The following BAG3 variants were observed in gnomAD, a reference collection of about 807,000 sequenced individuals.
BAG3 encodes the protein BAG family molecular chaperone regulator 3.
Under a neutral mutation model 40.5 loss-of-function variants are expected in BAG3, and 14 were observed. The ratio of observed to expected loss-of-function variants is 0.35; its 90% confidence interval spans 0.23 to 0.54. The LOEUF (loss-of-function observed/expected upper bound fraction) is 0.54. Among genes scored for constraint, BAG3 ranks in the 20% least tolerant of loss-of-function variants. BAG3 has a pLI of 0.91. For missense variants in BAG3, 788 were observed against 758.6 expected (o/e 1.04, Z -0.46); for synonymous variants, 302 against 307.8 (o/e 0.98, Z 0.20).
chr10:119,674,671 C>A (rs1401628131), intron 3 of BAG3, among the ~76,000 whole-genome samples: 1 of 152,136 alleles, frequency 6.6e-6, no homozygotes, highest in African/African-American at 2.4e-5. Context: ...GAATAAGAGC[C>A]AAGATAAGGC....
Position 119,651,698 on chromosome 10 carries a change from C to A in BAG3, c.23C>A (p.Pro8His). Residue 8 changes from proline (P) to histidine (H), a missense_variant, in exon 1 of 4, where the codon CCC (proline) becomes CAC (histidine). Transcript: ENST00000369085. ...AGCATGAGCGCCGCCACCCACTCGCCCATGATGCAGGTGGCGTCCGGCAAC... is the reference window on the plus strand; with the variant it reads ...AGCATGAGCGCCGCCACCCACTCGCACATGATGCAGGTGGCGTCCGGCAAC... MSAATHS[P>H]MMQVASGNGD... 6.3e-7 allele frequency: 1 copy of A among 1,589,252 alleles called. No homozygotes were observed. The highest frequency in any genetic ancestry group is 8.6e-7 in the Non-Finnish European group (1 of 1,169,028).
chr10:119,676,967 G>T lies in BAG3; in HGVS notation c.1413G>T (p.Glu471Asp). The T allele has an allele frequency of 6.2e-7, 1 of 1,614,190 alleles. No homozygotes were observed. The highest frequency in any genetic ancestry group is 8.5e-7 in the Non-Finnish European group (1 of 1,180,028). Residue 471 changes from glutamate to aspartate, a missense_variant, in exon 4 of 4, where the codon GAG becomes GAT. Coordinates refer to ENST00000369085, the MANE Select transcript of BAG3 (RefSeq NM_004281.4). The stretch of plus-strand genomic sequence containing the variant: ...TGGCCCTGGATTCAGTGGACCCCGA[G>T]GGACGAGCCGATGTGCGTCAGGCCA... ...ELLALDSVDP[E>D]GRADVRQARR...
At chr10:119,657,597 C>G (rs568962220) in intron 1 of BAG3, 1 of 471,084 alleles carries the variant, frequency 2.1e-6, no homozygotes, top group African/African-American at 2.0e-5. Context: ...TCCATTGGTT[C>G]CTAAGAACTG....
chr10:119,665,186 G>T (rs1401000512), intron 1 of BAG3, among the ~76,000 whole-genome samples: 2 of 139,804 alleles, frequency 1.4e-5, no homozygotes, highest in African/African-American at 5.4e-5. Flanking sequence ...GCCCAGGCTG[G>T]AGTGCAGTGG....
Position 119,669,888 on chromosome 10 carries a change from G to A in BAG3, c.218G>A (p.Gly73Asp), listed in dbSNP as rs1022153640. 6 of 1,614,174 alleles carry A rather than the reference G, an allele frequency of 3.7e-6. No homozygotes were observed. Among genetic ancestry groups the A allele is most frequent in the African/African-American group, 1.3e-5 (1 of 75,048 alleles). Residue 73 changes from glycine (G) to aspartate (D), a missense_variant, in exon 2 of 4, where the codon GGC (glycine) becomes GAC (aspartate). Transcript: ENST00000369085. Reference sequence around the variant, plus strand: ...TCTGCCAATGGCCCTTCCCGGGAGGGCTCTAGGCTGCCGCCTGCTAGGGAA... The same window carrying A: ...TCTGCCAATGGCCCTTCCCGGGAGGACTCTAGGCTGCCGCCTGCTAGGGAA... Reference protein sequence around the residue: ...PSSANGPSREGSRLPPAREGH... With the variant: ...PSSANGPSREDSRLPPAREGH...
At chr10:119,666,331 T>C (rs1473909226) in intron 1 of BAG3, among the ~76,000 whole-genome samples, 8 of 152,088 alleles carry the variant, frequency 5.3e-5, no homozygotes, top group Admixed American at 5.2e-4. Context: ...GCCTGCCCCT[T>C]GCCACTGCTT....
At chr10:119,665,812 A>G (rs1847058276) in intron 1 of BAG3, among the ~76,000 whole-genome samples, 1 of 150,834 alleles carries the variant, frequency 6.6e-6, no homozygotes, top group South Asian at 2.1e-4. Context: ...GTTTTTTTTT[A>G]AACAAAACCC....
rs1268299174 is a variant in BAG3, at chr10:119,672,146, C to A, written c.508-109C>A. 1.0e-5 allele frequency: 15 copies of A among 1,437,440 alleles called. No homozygotes were observed. The highest frequency in any genetic ancestry group is 1.5e-5 in the Non-Finnish European group (15 of 1,033,854). The allele number at this position is 1,437,440 out of a possible 1,614,324, so 89.0% of individuals were successfully genotyped here. On this transcript the variant is annotated intron_variant, in intron 2 of 3. Coordinates refer to ENST00000369085, the MANE Select transcript of BAG3 (RefSeq NM_004281.4). This position sits in a 1 kb window ranked among gnomAD's most constrained non-coding sequence, Gnocchi z 4.8. ...AAATTGAAAATTACAGATAGGAGGTCTTACAATATGGATTGCCCTGAGGAG... is the reference window on the plus strand; with the variant it reads ...AAATTGAAAATTACAGATAGGAGGTATTACAATATGGATTGCCCTGAGGAG...
In BAG3 at chr10:119,669,969, A is replaced by G. The variant is rs1847122709; in HGVS notation, c.299A>G (p.His100Arg). ...GGCTACATTCCCATTCCTGTGCTCC[A>G]TGAAGGCGCTGAGAACCGGCAGGTG... is the stretch of plus-strand genomic sequence containing the variant. ...RPGYIPIPVL[H>R]EGAENRQVHP... Residue 100 changes from histidine (H) to arginine (R), a missense_variant, in exon 2 of 4, where the codon CAT (histidine) becomes CGT (arginine). His to Arg is a conservative substitution (Grantham distance 29). Coordinates refer to ENST00000369085, the MANE Select transcript of BAG3 (RefSeq NM_004281.4). The G allele has an allele frequency of 1.2e-6, 2 of 1,614,054 alleles. No individual in the cohort carries two copies. Among genetic ancestry groups the G allele is most frequent in the African/African-American group, 1.3e-5 (1 of 74,926 alleles).
chr10:119,672,588 G>T lies in BAG3; in HGVS notation c.841G>T (p.Ala281Ser). The change falls in exon 3 of 4, where the codon GCC (alanine) becomes TCC (serine). Residue 281 changes from alanine (A) to serine (S), a missense_variant. Physicochemically the swap from Ala to Ser is moderately conservative, Grantham distance 99 (BLOSUM62 1). Transcript: ENST00000369085. The surrounding 1 kb of genome is among the most constrained non-coding windows in gnomAD (Gnocchi z 4.8). ...QGASSREGSP[A>S]RSSTPLHSPS... ...TGCATCGAGCCGGGAGGGCTCACCA[G>T]CCAGGAGCAGCACGCCACTCCACTC... The T allele has an allele frequency of 6.2e-7, 1 of 1,614,158 alleles. No individual in the cohort carries two copies. The highest frequency in any genetic ancestry group is 1.1e-5 in the South Asian group (1 of 91,084).
At chr10:119,654,961 C>A (rs1389381906) in intron 1 of BAG3, among the ~76,000 whole-genome samples, 1 of 152,220 alleles carries the variant, frequency 6.6e-6, no homozygotes, top group Non-Finnish European at 1.5e-5. Context: ...TGTCTCATCG[C>A]CTCCCTGCCC....
chr10:119,675,797 TCC>T (rs1491330594), intron 3 of BAG3, among the ~76,000 whole-genome samples: 1 of 17,666 alleles, frequency 5.7e-5, no homozygotes. Context: ...CTTCCCCCCT[TCC>T]CCTTCCCCCC....
intron 1 of BAG3, among the ~76,000 whole-genome samples, chr10:119,663,242 A>G (rs1308416736): frequency 6.6e-6 from 1 of 152,116 alleles, no homozygotes; most frequent in Non-Finnish European, 1.5e-5. Context: ...CCCTGCTTTT[A>G]GGGCACAGGG....
rs1457879480 is a variant in BAG3 at position 119,677,030 on chromosome 10, A to G, written c.1476A>G (p.Glu492=). The change falls in exon 4 of 4, where the codon GAA becomes GAG. Residue 492 remains glutamate, a synonymous_variant. Coordinates refer to ENST00000369085, the MANE Select transcript of BAG3 (RefSeq NM_004281.4). ...DGVRKVQTIL[E]KLEQKAIDVP... is the part of the protein sequence containing the mutation. ...TCAGGAAGGTTCAGACCATCTTGGAAAAACTTGAACAGAAAGCCATTGATG... is the reference window on the plus strand; with the variant it reads ...TCAGGAAGGTTCAGACCATCTTGGAGAAACTTGAACAGAAAGCCATTGATG... The G allele has an allele frequency of 6.2e-7, 1 of 1,614,226 alleles. No individual in the cohort carries two copies. The highest frequency in any genetic ancestry group is 8.5e-7 in the Non-Finnish European group (1 of 1,180,040).
At position 119,672,665 on chromosome 10, in the gene BAG3, A is replaced by G; in HGVS notation, c.909+9A>G. The G allele has an allele frequency of 1.9e-6, 3 of 1,611,812 alleles. No homozygotes were observed. The highest frequency in any genetic ancestry group is 1.7e-6 in the Non-Finnish European group (2 of 1,180,006). ...TGGTCGACAGGCCTCAGGTACGGGAAGTTAGTCGTCAGCAGACTGGTTATG... is the reference window on the plus strand; with the variant it reads ...TGGTCGACAGGCCTCAGGTACGGGAGGTTAGTCGTCAGCAGACTGGTTATG... On this transcript the variant is annotated intron_variant, in intron 3 of 3. Transcript: ENST00000369085. This position sits in a 1 kb window ranked among gnomAD's most constrained non-coding sequence, Gnocchi z 4.8.
At position 119,672,348 on chromosome 10, in the gene BAG3, C is replaced by G. The variant is rs2134065060; in HGVS notation, c.601C>G (p.Leu201Val). Residue 201 changes from leucine to valine, a missense_variant, in exon 3 of 4, where the codon CTC (leucine) becomes GTC (valine). Physicochemically the swap from Leu to Val is conservative, Grantham distance 32 (BLOSUM62 1). Coordinates refer to ENST00000369085, the MANE Select transcript of BAG3 (RefSeq NM_004281.4). The surrounding 1 kb of genome is among the most constrained non-coding windows in gnomAD (Gnocchi z 4.8). ...SGRSSLGSHQ[L>V]PRGYISIPVI... The stretch of plus-strand genomic sequence containing the variant: ...CAGGAGCAGCCTGGGCAGTCACCAG[C>G]TCCCGCGGGGGTACATCTCCATTCC... 6.2e-7 allele frequency: 1 copy of G among 1,614,138 alleles called. No homozygotes were observed. The highest frequency in any genetic ancestry group is 8.5e-7 in the Non-Finnish European group (1 of 1,180,034).
intron 1 of BAG3, among the ~76,000 whole-genome samples, chr10:119,654,691 A>C (rs1846888335): frequency 6.6e-6 from 1 of 152,174 alleles, no homozygotes; most frequent in Non-Finnish European, 1.5e-5. Flanking sequence ...TGGGCTTCCC[A>C]CTAATTTGGC....
In BAG3 at chr10:119,677,272, C is replaced by T. The variant is rs755280040; in HGVS notation, c.1718C>T (p.Ala573Val). 4 of 1,614,008 alleles carry T rather than the reference C, an allele frequency of 2.5e-6. No individual in the cohort carries two copies. The highest frequency in any genetic ancestry group is 2.5e-6 in the Non-Finnish European group (3 of 1,180,036). ...ATGACAGACACCCCTGGTAACCCAG[C>T]AGCACCGTAGCCTCTGCCCTGTAAA... ...SSMTDTPGNP[A>V]AP The change falls in exon 4 of 4, where the codon GCA becomes GTA. Residue 573 changes from alanine to valine, a missense_variant. Physicochemically the swap from Ala to Val is moderately conservative, Grantham distance 64. Coordinates refer to ENST00000369085, the MANE Select transcript of BAG3 (RefSeq NM_004281.4).
chr10:119,656,375 CTTCT>C (rs1312584452), intron 1 of BAG3, among the ~76,000 whole-genome samples: 1 of 144,660 alleles, frequency 6.9e-6, no homozygotes, highest in Non-Finnish European at 1.5e-5. Context: ...CTCAGCTGGC[CTTCT>C]TTTTTTTTTT....
Sources: gnomAD v4.1 joint callset for allele counts (sites outside exome capture counted in the v4.1 genomes callset) on GRCh38, gnomAD v4.1.1 for gene constraint, Gnocchi (gnomAD v3.1) non-coding constraint, MANE v1.5 for transcripts, NCBI Gene and HGNC (gene_info 2026-07-23, HGNC 2026-07-21) for gene names.